The following SIPA1L1 variants were observed in gnomAD, a reference collection of about 807,000 sequenced individuals.
The protein encoded by SIPA1L1 is signal-induced proliferation-associated 1-like protein 1.
In SIPA1L1, 26 loss-of-function variants were observed where a neutral mutation model predicts 162.7. The observed-to-expected ratio is 0.16, with a 90% CI of 0.12 to 0.22. The LOEUF (loss-of-function observed/expected upper bound fraction) is 0.22. Among genes scored for constraint, SIPA1L1 ranks in the 10% least tolerant of loss-of-function variants. The probability of loss-of-function intolerance (pLI) is 1.00; values close to 1 mark genes in which losing one functional copy is unlikely to be tolerated. For synonymous variants in SIPA1L1, 829 were observed against 837.4 expected, an observed-to-expected ratio of 0.99 and a Z score of 0.17; for missense variants, 1,874 against 2,241.0, an observed-to-expected ratio of 0.84 and a Z score of 3.31.
At chr14:71,501,814 A>G (rs989716321) in intron 2 of SIPA1L1, among the ~76,000 whole-genome samples, 5 of 152,168 alleles carry the variant, frequency 3.3e-5, no homozygotes, top group African/African-American at 1.2e-4. Context: ...CTTGATTTCC[A>G]GGAGTTTGAG....
At chr14:71,606,508 C>T (rs1233941192) in intron 5 of SIPA1L1, among the ~76,000 whole-genome samples, 1 of 152,132 alleles carries the variant, frequency 6.6e-6, no homozygotes, top group African/African-American at 2.4e-5. Flanking sequence ...CATGCTGTAG[C>T]TGCGTAGGAC....
intron 17 of SIPA1L1, among the ~76,000 whole-genome samples, chr14:71,711,427 T>G (rs547190720): frequency 1.3e-5 from 2 of 152,328 alleles, no homozygotes; most frequent in African/African-American, 4.8e-5. Context: ...TCTCTCTGGT[T>G]TTTAAGTTTA....
rs201777197 is a variant in SIPA1L1, at chr14:71,588,286, G to A, written c.414G>A (p.Thr138=). 28 of 1,613,974 alleles carry A rather than the reference G, an allele frequency of 1.7e-5. No homozygotes were observed. The Admixed American group carries it at 2.7e-4, about 15-fold the overall frequency. ...DSAMLKSIQN[T]LKNKTRPSEN... ...CCATGCTGAAAAGCATACAGAACAC[G>A]CTGAAAAACAAGACAAGACCGTCGG... Residue 138 remains threonine, a synonymous_variant, in exon 5 of 24, where the codon ACG becomes ACA. Transcript: ENST00000381232. This position sits in a 1 kb window ranked among gnomAD's most constrained non-coding sequence, Gnocchi z 4.3.
chr14:71,671,484 T>C lies in SIPA1L1; in HGVS notation c.2621T>C (p.Leu874Pro), dbSNP rs1461152040. Residue 874 changes from leucine to proline, a missense_variant, in exon 11 of 24, where the codon CTA (leucine) becomes CCA (proline). By Grantham distance (98) the Leu-to-Pro change is moderately conservative (BLOSUM62 -3). This residue lies in a region of SIPA1L1 where 243 missense variants were observed against 315.0 expected (regional missense o/e 0.77). Transcript: ENST00000381232. ...GAAGACTACAACAAGGCCATGGAACTAGACTGCCTTTTAGGGATCTCCAAT... is the reference window on the plus strand; with the variant it reads ...GAAGACTACAACAAGGCCATGGAACCAGACTGCCTTTTAGGGATCTCCAAT... Reference protein sequence around the residue: ...RAEDYNKAMELDCLLGISNEF... With the variant: ...RAEDYNKAMEPDCLLGISNEF... The C allele has an allele frequency of 1.2e-6, 2 of 1,614,188 alleles. No homozygotes were observed. Among genetic ancestry groups the C allele is most frequent in the Non-Finnish European group, 1.7e-6 (2 of 1,180,030 alleles).
At chr14:71,406,783 A>G (rs1157865254) in intron 2 of SIPA1L1, among the ~76,000 whole-genome samples, 2 of 152,120 alleles carry the variant, frequency 1.3e-5, no homozygotes, top group African/African-American at 4.8e-5. Context: ...GATAATTGTT[A>G]GTTGTGTTGT....
Position 71,671,627 on chromosome 14 carries a change from G to C in SIPA1L1, c.2764G>C (p.Glu922Gln). 6.2e-7 allele frequency: 1 copy of C among 1,614,086 alleles called. No homozygotes were observed. The highest frequency in any genetic ancestry group is 8.5e-7 in the Non-Finnish European group (1 of 1,179,964). ...CCTCAAAATCTTCTATGAACGAGGA[G>C]AATGTGTTTCAGTGGGTAGTTTTAT... is the stretch of plus-strand genomic sequence containing the variant. Reference protein sequence around the residue: ...TSLKIFYERGECVSVGSFINI... With the variant: ...TSLKIFYERGQCVSVGSFINI... The change falls in exon 11 of 24, where the codon GAA becomes CAA. Residue 922 changes from glutamate (E) to glutamine (Q), a missense_variant. Physicochemically the swap from Glu to Gln is conservative, Grantham distance 29. Around this residue, in one of 5 missense-constraint regions of SIPA1L1, gnomAD observed 243 missense variants for 315.0 expected, o/e 0.77. Coordinates refer to ENST00000381232, the MANE Select transcript of SIPA1L1 (RefSeq NM_001386936.1).
In SIPA1L1 at chr14:71,709,290, T is replaced by C; in HGVS notation, c.3834T>C (p.Ser1278=). The C allele has an allele frequency of 6.2e-7, 1 of 1,614,152 alleles. No homozygotes were observed. The highest frequency in any genetic ancestry group is 8.5e-7 in the Non-Finnish European group (1 of 1,180,032). Reference sequence around the variant, plus strand: ...CCAGCAATGCGTCAAGTGCCCATAGTGATGAGAAGTGGTACGATGGGGACC... The same window carrying C: ...CCAGCAATGCGTCAAGTGCCCATAGCGATGAGAAGTGGTACGATGGGGACC... ...TLSSNASSAH[S]DEKWYDGDRT... Residue 1278 remains serine, a synonymous_variant, in exon 17 of 24, where the codon AGT becomes AGC. Transcript: ENST00000381232.
chr14:71,730,950 T>C (rs1307807194), intron 20 of SIPA1L1, among the ~76,000 whole-genome samples: 1 of 152,176 alleles, frequency 6.6e-6, no homozygotes, highest in Non-Finnish European at 1.5e-5. Flanking sequence ...TTTTCCTGTC[T>C]CTGTCCCACC....
intron 9 of SIPA1L1, among the ~76,000 whole-genome samples, chr14:71,659,635 C>T (rs997551213): frequency 6.6e-6 from 1 of 152,026 alleles, no homozygotes; most frequent in African/African-American, 2.4e-5. Context: ...ACAAAATGAT[C>T]CTTAAAGAGA....
At chr14:71,724,023 A>AT (rs1334660806) in intron 18 of SIPA1L1, 137 bp downstream of exon 18, 31 of 895,778 alleles carry the variant, frequency 3.5e-5, no homozygotes, top group Non-Finnish European at 4.8e-5. Flanking sequence ...TGGGATTATG[A>AT]TTTTTTTTCC....
intron 4 of SIPA1L1, among the ~76,000 whole-genome samples, chr14:71,579,229 A>G (rs367616351): frequency 1.3e-5 from 2 of 152,216 alleles, no homozygotes; most frequent in Non-Finnish European, 2.9e-5. Context: ...GTAGTAAATG[A>G]TAAAATAGAC....
chr14:71,573,427 TGGC>T (rs1215725419), intron 4 of SIPA1L1: 1 of 375,152 alleles, frequency 2.7e-6, no homozygotes, highest in East Asian at 7.3e-5. Context: ...TTTCAGTGGG[TGGC>T]GCATCAGAAA....
intron 20 of SIPA1L1, among the ~76,000 whole-genome samples, chr14:71,732,491 G>A (rs2084889467): frequency 6.6e-6 from 1 of 152,140 alleles, no homozygotes; most frequent in African/African-American, 2.4e-5. Context: ...CCTGTTATCT[G>A]CCTGCATGAA....
chr14:71,709,674 C>A lies in SIPA1L1; in HGVS notation c.4208+10C>A. Reference sequence around the variant, plus strand: ...CTGCTTCCCACACAAGGTAACCACCCTTCCCCGCTGTCTGATTCCCAGCCC... The same window carrying A: ...CTGCTTCCCACACAAGGTAACCACCATTCCCCGCTGTCTGATTCCCAGCCC... On this transcript the variant is annotated intron_variant, in intron 17 of 23. Transcript: ENST00000381232. 2 of 1,601,634 alleles carry A rather than the reference C, an allele frequency of 1.2e-6. No individual in the cohort carries two copies. The highest frequency in any genetic ancestry group is 1.1e-5 in the South Asian group (1 of 88,916).
chr14:71,459,458 CAGAG>C (rs142623080), intron 2 of SIPA1L1, among the ~76,000 whole-genome samples: 1,841 of 148,078 alleles, frequency 0.012, 38 homozygotes, highest in African/African-American at 0.038. Flanking sequence ...TCTATCCATC[CAGAG>C]AGAGAGAGAG....
At chr14:71,572,850 C>T (rs548805225) in intron 4 of SIPA1L1, among the ~76,000 whole-genome samples, 136 of 152,184 alleles carry the variant, frequency 8.9e-4, no homozygotes, top group African/African-American at 3.1e-3. Context: ...CAAATATAGC[C>T]GTAGTAACGT....
chr14:71,480,400 T>C (rs2048256708), intron 2 of SIPA1L1, among the ~76,000 whole-genome samples: 1 of 150,912 alleles, frequency 6.6e-6, no homozygotes, highest in South Asian at 2.1e-4. Context: ...GACTAGTGTT[T>C]TTCACAAATT....
At chr14:71,629,660 A>G (rs1047238024) in intron 7 of SIPA1L1, among the ~76,000 whole-genome samples, 5 of 152,230 alleles carry the variant, frequency 3.3e-5, no homozygotes, top group Non-Finnish European at 5.9e-5. Context: ...AGGAAATGTC[A>G]GGTTTCATGT....
intron 5 of SIPA1L1, among the ~76,000 whole-genome samples, chr14:71,609,945 G>A (rs1314949972): frequency 7.0e-6 from 1 of 143,800 alleles, no homozygotes; most frequent in African/African-American, 2.5e-5. Flanking sequence ...AGCAAACCAA[G>A]CATATATTGA....
Sources: gnomAD v4.1 joint callset for allele counts (sites outside exome capture counted in the v4.1 genomes callset) on GRCh38, gnomAD v4.1.1 for gene constraint, gnomAD v4.1.1 regional missense constraint, Gnocchi (gnomAD v3.1) non-coding constraint, MANE v1.5 for transcripts, NCBI Gene and HGNC (gene_info 2026-07-23, HGNC 2026-07-21) for gene names.